CTIF: variants seen among roughly 807,000 people sequenced by gnomAD.
The protein encoded by CTIF is CBP80/20-dependent translation initiation factor.
A neutral mutation model predicts 66.0 loss-of-function variants in CTIF; 21 were observed. The observed-to-expected ratio is 0.32, with a 90% CI of 0.23 to 0.46. The LOEUF (loss-of-function observed/expected upper bound fraction) is 0.46, where lower values mean the gene tolerates loss of function less well. Ranked by LOEUF, CTIF falls within the 20% of genes least tolerant of loss-of-function variation. The pLI is 1.00. For missense variants in CTIF, 739 were observed against 812.7 expected (o/e 0.91, Z 1.10); for synonymous variants, 345 against 326.4 (o/e 1.06, Z -0.62).
chr18:48,543,825 CTT>C (rs1441782673), intron 1 of CTIF, among the ~76,000 whole-genome samples: 2 of 152,180 alleles, frequency 1.3e-5, no homozygotes, highest in Non-Finnish European at 2.9e-5. Context: ...AGTGAGAACT[CTT>C]TATCTTCTTC....
At chr18:48,856,423 A>G (rs2069329537) in intron 10 of CTIF, among the ~76,000 whole-genome samples, 2 of 152,230 alleles carry the variant, frequency 1.3e-5, no homozygotes, top group Admixed American at 1.3e-4. Context: ...ATCCAGGAGA[A>G]TTGAAAACAT....
chr18:48,829,448 C>T (rs1169904717), intron 10 of CTIF, among the ~76,000 whole-genome samples: 1 of 152,220 alleles, frequency 6.6e-6, no homozygotes. Context: ...AAATGGCCAT[C>T]AGTTACTCCA....
chr18:48,598,991 A>C (rs1303122557), intron 1 of CTIF, among the ~76,000 whole-genome samples: 1 of 152,122 alleles, frequency 6.6e-6, no homozygotes, highest in East Asian at 1.9e-4. Context: ...TGATCAATGG[A>C]TAGGATGCCG....
intron 3 of CTIF, among the ~76,000 whole-genome samples, chr18:48,658,656 G>A (rs1296448460): frequency 6.6e-6 from 1 of 152,150 alleles, no homozygotes; most frequent in Non-Finnish European, 1.5e-5. Context: ...ATGTGGATGT[G>A]TGTGGATGTG....
chr18:48,758,661 C>T (rs2145868798), intron 8 of CTIF, among the ~76,000 whole-genome samples: 1 of 152,290 alleles, frequency 6.6e-6, no homozygotes, highest in South Asian at 2.1e-4. Context: ...AGGGTGGGCA[C>T]TTGGAACCAG....
intron 1 of CTIF, among the ~76,000 whole-genome samples, chr18:48,595,835 C>T (rs938979514): frequency 5.5e-4 from 83 of 152,230 alleles, no homozygotes; most frequent in African/African-American, 1.8e-3. Context: ...TATTCAACTG[C>T]GGGAAGAGCC....
chr18:48,816,632 C>A lies in CTIF; in HGVS notation c.1372-589C>A, dbSNP rs530526052. On this transcript the variant is annotated intron_variant, in intron 9 of 11. Coordinates refer to ENST00000256413, the MANE Select transcript of CTIF (RefSeq NM_014772.3). Reference sequence around the variant, plus strand: ...AGCTCCTAGTGCAGAGCCTGTCACACAATGGGGCAATAATATTTTTAAGGA... The same window carrying A: ...AGCTCCTAGTGCAGAGCCTGTCACAAAATGGGGCAATAATATTTTTAAGGA... Among the ~76,000 whole-genome samples the A allele has an allele frequency of 6.6e-5, 10 of 152,282 alleles. No homozygotes were observed. The East Asian group carries it at 1.9e-3, about 29-fold the overall frequency.
intron 7 of CTIF, among the ~76,000 whole-genome samples, chr18:48,727,208 G>A (rs796308426): frequency 6.6e-6 from 1 of 152,226 alleles, no homozygotes; most frequent in African/African-American, 2.4e-5. Context: ...TTGGTCCATA[G>A]CAGTTCTGAA....
intron 1 of CTIF, among the ~76,000 whole-genome samples, chr18:48,544,018 T>G (rs985846182): frequency 1.3e-5 from 2 of 152,212 alleles, no homozygotes; most frequent in African/African-American, 4.8e-5. Context: ...TGTGGCTTTC[T>G]GGCCCTGAGG....
chr18:48,564,811 G>T (rs1167678157), intron 1 of CTIF: 1 of 151,138 alleles, frequency 6.6e-6, no homozygotes, highest in African/African-American at 2.4e-5. Flanking sequence ...GAGATGGGGG[G>T]TCTCACCTTG....
At chr18:48,792,601 G>C (rs1257146057) in intron 9 of CTIF, among the ~76,000 whole-genome samples, 3 of 152,202 alleles carry the variant, frequency 2.0e-5, no homozygotes, top group Non-Finnish European at 2.9e-5. Flanking sequence ...GAGAGTCTAA[G>C]TAAGGGGTGG....
chr18:48,584,357 CA>C (rs982568613), intron 1 of CTIF, among the ~76,000 whole-genome samples: 4 of 152,174 alleles, frequency 2.6e-5, no homozygotes, highest in African/African-American at 9.7e-5. Flanking sequence ...GTTCTTTGCA[CA>C]AGAAACCAGG....
intron 7 of CTIF, among the ~76,000 whole-genome samples, chr18:48,747,319 C>T (rs561257230): frequency 1.3e-5 from 2 of 152,352 alleles, no homozygotes; most frequent in African/African-American, 4.8e-5. Flanking sequence ...ATCTTCTGCC[C>T]CAGCAAGCTC....
At chr18:48,740,336 A>G (rs1335830807) in intron 7 of CTIF, among the ~76,000 whole-genome samples, 1 of 152,030 alleles carries the variant, frequency 6.6e-6, no homozygotes, top group Non-Finnish European at 1.5e-5. Context: ...CCTTCCCCCT[A>G]CCATCGACCT....
At chr18:48,696,571 T>C (rs1255012458) in intron 6 of CTIF, among the ~76,000 whole-genome samples, 1 of 152,230 alleles carries the variant, frequency 6.6e-6, no homozygotes, top group Non-Finnish European at 1.5e-5. Context: ...TGGACCCTTC[T>C]CTTTGCAAGC....
chr18:48,666,710 G>A (rs1347127972), intron 5 of CTIF, among the ~76,000 whole-genome samples: 1 of 152,150 alleles, frequency 6.6e-6, no homozygotes, highest in Non-Finnish European at 1.5e-5. Flanking sequence ...GGTTAAGATG[G>A]AGCATAGGAG....
At chr18:48,612,413 T>C (rs957130035) in intron 1 of CTIF, among the ~76,000 whole-genome samples, 3 of 152,144 alleles carry the variant, frequency 2.0e-5, no homozygotes, top group Non-Finnish European at 4.4e-5. Context: ...CAATTGTGCA[T>C]TCTGGGTGAA....
intron 2 of CTIF, among the ~76,000 whole-genome samples, chr18:48,622,410 G>A (rs78985888): frequency 0.018 from 2,734 of 151,868 alleles, 82 homozygotes; most frequent in African/African-American, 0.063. Flanking sequence ...GGAGGAGAGC[G>A]GGTCGTGAAA....
intron 9 of CTIF, among the ~76,000 whole-genome samples, chr18:48,785,235 A>G (rs1348125873): frequency 6.6e-6 from 1 of 152,062 alleles, no homozygotes; most frequent in African/African-American, 2.4e-5. Flanking sequence ...GGCAGAAGGA[A>G]CCACAGTCTA....
Sources: gnomAD v4.1 joint callset for allele counts (sites outside exome capture counted in the v4.1 genomes callset) on GRCh38, gnomAD v4.1.1 for gene constraint, MANE v1.5 for transcripts, NCBI Gene and HGNC (gene_info 2026-07-23, HGNC 2026-07-21) for gene names.